IQCJ: variants seen among roughly 807,000 people sequenced by gnomAD.
IQCJ encodes the protein IQ motif containing J.
Under a neutral mutation model 11.0 loss-of-function variants are expected in IQCJ, and 9 were observed. That is an observed-to-expected ratio of 0.82 (90% CI 0.49 to 1.43). IQCJ has a LOEUF of 1.43. IQCJ is among the 40% of genes most tolerant of loss of function. IQCJ has a pLI of 0.00. For missense variants in IQCJ, 146 were observed against 133.2 expected, an observed-to-expected ratio of 1.10 and a Z score of -0.47; for synonymous variants, 55 against 51.3, an observed-to-expected ratio of 1.07 and a Z score of -0.31.
At chr3:159,162,854 C>T (rs1239075714) in intron 1 of IQCJ, among the ~76,000 whole-genome samples, 1 of 152,108 alleles carries the variant, frequency 6.6e-6, no homozygotes, top group Non-Finnish European at 1.5e-5. Context: ...ACAAATACAC[C>T]CTCCCAAGAC....
intron 2 of IQCJ, among the ~76,000 whole-genome samples, chr3:159,249,728 A>G (rs12488175): frequency 0.01 from 1,532 of 152,372 alleles, 58 homozygotes; most frequent in Admixed American, 0.065. Context: ...TGAAATAACC[A>G]TAAGTTAAGT....
rs1454045921 is a variant in IQCJ at position 159,190,614 on chromosome 3, T to C, written c.10-55229T>C. 2.6e-5 allele frequency among the ~76,000 whole-genome samples: 4 copies of C among 152,124 alleles called. No homozygotes were observed. The South Asian group carries it at 8.3e-4, about 32-fold the overall frequency. ...TCCTGGCAGTAAGACAGCCGTGAGG[T>C]ACATACTTGGATGAAGCTATAGCTG... On this transcript the variant is annotated intron_variant, in intron 1 of 3. Transcript: ENST00000397832.
chr3:159,111,424 A>G (rs1052423135), intron 1 of IQCJ, among the ~76,000 whole-genome samples: 16 of 152,270 alleles, frequency 1.1e-4, no homozygotes, highest in African/African-American at 3.9e-4. Flanking sequence ...TAATAAGTTG[A>G]CCGGTATTTC....
chr3:159,075,317 C>T (rs1416971199), intron 1 of IQCJ, among the ~76,000 whole-genome samples: 2 of 152,018 alleles, frequency 1.3e-5, no homozygotes, highest in Non-Finnish European at 2.9e-5. Context: ...AGGAATATTA[C>T]ATTAGTATCC....
intron 1 of IQCJ, among the ~76,000 whole-genome samples, chr3:159,160,625 G>C (rs1421977954): frequency 6.6e-6 from 1 of 151,726 alleles, no homozygotes; most frequent in Admixed American, 6.6e-5. Flanking sequence ...CTGGTGTGCT[G>C]CACCCATTAA....
intron 1 of IQCJ, among the ~76,000 whole-genome samples, chr3:159,156,751 C>T (rs1052186120): frequency 6.6e-6 from 1 of 152,024 alleles, no homozygotes; most frequent in African/African-American, 2.4e-5. Context: ...TAAGTTCATG[C>T]ATAAAATTTT....
chr3:159,155,329 T>C (rs951976014), intron 1 of IQCJ, among the ~76,000 whole-genome samples: 4 of 152,022 alleles, frequency 2.6e-5, no homozygotes, highest in Non-Finnish European at 1.5e-5. Flanking sequence ...GACTAACTGT[T>C]GTATTTTTGG....
At chr3:159,157,459 C>A (rs1721587302) in intron 1 of IQCJ, among the ~76,000 whole-genome samples, 1 of 152,094 alleles carries the variant, frequency 6.6e-6, no homozygotes, top group South Asian at 2.1e-4. Context: ...TCAGTGGAAG[C>A]CTTAGGCAAT....
intron 1 of IQCJ, among the ~76,000 whole-genome samples, chr3:159,226,943 C>G (rs1725893044): frequency 6.6e-6 from 1 of 152,150 alleles, no homozygotes; most frequent in South Asian, 2.1e-4. Context: ...TGTGTACATT[C>G]TCTAAATTTG....
intron 2 of IQCJ, among the ~76,000 whole-genome samples, chr3:159,248,852 T>C (rs1442479461): frequency 6.7e-6 from 1 of 150,336 alleles, no homozygotes; most frequent in Non-Finnish European, 1.5e-5. Context: ...TGCTGGTTTT[T>C]CATTATTGAT....
intron 1 of IQCJ, among the ~76,000 whole-genome samples, chr3:159,194,302 C>T (rs1723854827): frequency 6.6e-6 from 1 of 152,176 alleles, no homozygotes; most frequent in Non-Finnish European, 1.5e-5. Context: ...TGGTTGGCTG[C>T]CCGTCTATCT....
intron 3 of IQCJ, among the ~76,000 whole-genome samples, chr3:159,257,431 T>C (rs1727957567): frequency 6.6e-6 from 1 of 152,160 alleles, no homozygotes; most frequent in South Asian, 2.1e-4. Flanking sequence ...TTGACATTCT[T>C]GACAGTCTGC....
At chr3:159,119,909 TGAA>T (rs949861627) in intron 1 of IQCJ, among the ~76,000 whole-genome samples, 20 of 152,216 alleles carry the variant, frequency 1.3e-4, no homozygotes, top group African/African-American at 4.1e-4. Flanking sequence ...AATTCTCATT[TGAA>T]GAATGAGTTT....
At chr3:159,172,350 A>G (rs978065774) in intron 1 of IQCJ, among the ~76,000 whole-genome samples, 3 of 152,190 alleles carry the variant, frequency 2.0e-5, no homozygotes, top group African/African-American at 7.2e-5. Flanking sequence ...ACAACCATGA[A>G]AAAGTATACA....
At chr3:159,089,583 A>C (rs1397119783) in intron 1 of IQCJ, among the ~76,000 whole-genome samples, 3 of 151,626 alleles carry the variant, frequency 2.0e-5, no homozygotes, top group African/African-American at 4.9e-5. Flanking sequence ...TGGTCTTTTC[A>C]CATAGTCCCA....
chr3:159,181,438 C>A (rs1477054038), intron 1 of IQCJ, among the ~76,000 whole-genome samples: 2 of 147,312 alleles, frequency 1.4e-5, no homozygotes, highest in African/African-American at 5.1e-5. Context: ...ACTTCCTGCC[C>A]AGTGAGAATG....
At chr3:159,216,705 A>G (rs1725255237) in intron 1 of IQCJ, among the ~76,000 whole-genome samples, 1 of 152,054 alleles carries the variant, frequency 6.6e-6, no homozygotes, top group African/African-American at 2.4e-5. Flanking sequence ...TTTTTTTCCC[A>G]AAATGAGCTT....
intron 1 of IQCJ, among the ~76,000 whole-genome samples, chr3:159,088,899 G>A (rs982674649): frequency 6.6e-6 from 1 of 151,954 alleles, no homozygotes; most frequent in Non-Finnish European, 1.5e-5. Flanking sequence ...TCTTTTAATT[G>A]GAGCATTTAG....
At chr3:159,222,312 G>A (rs763731131) in intron 1 of IQCJ, among the ~76,000 whole-genome samples, 2 of 152,066 alleles carry the variant, frequency 1.3e-5, no homozygotes, top group Non-Finnish European at 2.9e-5. Flanking sequence ...ATATTATTCA[G>A]CCTTTAAAAA....
Sources: allele counts gnomAD v4.1 joint callset (sites outside exome capture counted in the v4.1 genomes callset), GRCh38; gene constraint gnomAD v4.1.1; transcripts MANE v1.5; gene names NCBI Gene and HGNC (gene_info 2026-07-23, HGNC 2026-07-21).